ADCY8: variants seen among roughly 807,000 people sequenced by gnomAD.
The protein encoded by ADCY8 is adenylate cyclase type 8.
Under a neutral mutation model 119.7 loss-of-function variants are expected in ADCY8, and 51 were observed. That is an observed-to-expected ratio of 0.43 (90% CI 0.34 to 0.54). ADCY8 has a LOEUF of 0.54. Ranked by LOEUF, ADCY8 falls within the 20% of genes least tolerant of loss-of-function variation. ADCY8 has a pLI of 0.03. For missense variants in ADCY8, 1,383 were observed against 1,598.8 expected, an observed-to-expected ratio of 0.87 and a Z score of 2.30; for synonymous variants, 665 against 651.0, an observed-to-expected ratio of 1.02 and a Z score of -0.33.
chr8:130,794,152 G>A (rs1330459926), intron 15 of ADCY8, among the ~76,000 whole-genome samples: 1 of 152,170 alleles, frequency 6.6e-6, no homozygotes, highest in East Asian at 1.9e-4. Flanking sequence ...GTTTTCCCTA[G>A]AGCCTTCAGA....
At chr8:130,795,658 C>T (rs150694754) in intron 15 of ADCY8, among the ~76,000 whole-genome samples, 1 of 152,306 alleles carries the variant, frequency 6.6e-6, no homozygotes, top group East Asian at 1.9e-4. Flanking sequence ...GATGGGTTCT[C>T]TACAGACTCT....
chr8:130,948,873 T>A (rs1821187192), intron 3 of ADCY8, among the ~76,000 whole-genome samples: 2 of 152,084 alleles, frequency 1.3e-5, no homozygotes, highest in South Asian at 2.1e-4. Flanking sequence ...TTTAGCACCC[T>A]GCAGCCTCGC....
Position 130,836,401 on chromosome 8 carries a change from G to A in ADCY8, c.2551C>T (p.Leu851Phe). Reference protein sequence around the residue: ...VLAMVTCAVFLRLNSVLKLAV... With the variant: ...VLAMVTCAVFFRLNSVLKLAV... ...AGCTTCAGGACGGAGTTCAGCCGGA[G>A]GAAAACTGCACAGGTCACCATGGCC... Residue 851 changes from leucine to phenylalanine, a missense_variant, in exon 12 of 18, where the codon CTC (leucine) becomes TTC (phenylalanine). Around this residue, in one of 2 missense-constraint regions of ADCY8, gnomAD observed 928 missense variants for 1,163.5 expected, o/e 0.80. Coordinates refer to ENST00000286355, the MANE Select transcript of ADCY8 (RefSeq NM_001115.3). 6.2e-7 allele frequency: 1 copy of A among 1,613,914 alleles called. No homozygotes were observed. The highest frequency in any genetic ancestry group is 8.5e-7 in the Non-Finnish European group (1 of 1,179,910).
chr8:130,784,125 ATG>A (rs941706052), intron 16 of ADCY8, among the ~76,000 whole-genome samples: 13 of 151,588 alleles, frequency 8.6e-5, no homozygotes, highest in Admixed American at 3.3e-4. Context: ...GTATGTGTGT[ATG>A]TGTGTGTGTG....
intron 1 of ADCY8, among the ~76,000 whole-genome samples, chr8:131,020,056 G>T (rs1430485598): frequency 6.6e-6 from 1 of 151,942 alleles, no homozygotes; most frequent in Non-Finnish European, 1.5e-5. Context: ...AGATGGCATA[G>T]GTCTTTCAAA....
At position 130,891,352 on chromosome 8, in the gene ADCY8, T is replaced by C. The variant is rs1045965868; in HGVS notation, c.1912-6591A>G. Among the ~76,000 whole-genome samples the C allele has an allele frequency of 1.3e-5, 2 of 152,302 alleles. 1 individual carries two copies. ...TTACAGCGATTCTTTCTCTACTGTT[T>C]GTTAAAATGCCAACCCAACCCCTGG... On this transcript the variant is annotated intron_variant, in intron 7 of 17. Transcript: ENST00000286355.
At chr8:130,829,019 C>G (rs1012462076) in intron 12 of ADCY8, among the ~76,000 whole-genome samples, 1 of 152,160 alleles carries the variant, frequency 6.6e-6, no homozygotes, top group Non-Finnish European at 1.5e-5. Context: ...AGGCAGGTCA[C>G]AAAAGTCTAG....
intron 3 of ADCY8, among the ~76,000 whole-genome samples, chr8:130,945,046 G>A (rs1317125655): frequency 6.6e-6 from 1 of 152,180 alleles, no homozygotes; most frequent in African/African-American, 2.4e-5. Flanking sequence ...GATGAGCGAA[G>A]TGATTGGGAG....
At chr8:131,025,579 T>C (rs1230341307) in intron 1 of ADCY8, among the ~76,000 whole-genome samples, 1 of 152,222 alleles carries the variant, frequency 6.6e-6, no homozygotes, top group East Asian at 1.9e-4. Flanking sequence ...GAGCACGTTG[T>C]TTAACAGTAG....
intron 15 of ADCY8, among the ~76,000 whole-genome samples, 178 bp from the exon 16 acceptor site, chr8:130,785,653 C>T (rs982598242): frequency 1.3e-5 from 2 of 152,216 alleles, no homozygotes; most frequent in Admixed American, 6.5e-5. Context: ...TTAATGAGCA[C>T]TTGCTAAGGG....
chr8:130,791,772 G>A (rs989367571), intron 15 of ADCY8, among the ~76,000 whole-genome samples: 1 of 152,172 alleles, frequency 6.6e-6, no homozygotes, highest in African/African-American at 2.4e-5. Flanking sequence ...CCTAGTGAGG[G>A]CCGAGCCCCA....
At chr8:131,026,673 A>G (rs988250364) in intron 1 of ADCY8, among the ~76,000 whole-genome samples, 4 of 152,196 alleles carry the variant, frequency 2.6e-5, no homozygotes, top group Non-Finnish European at 4.4e-5. Flanking sequence ...TCCTATTCAC[A>G]TTAAAGTTGG....
At chr8:130,888,900 C>A (rs1819085132) in intron 7 of ADCY8, among the ~76,000 whole-genome samples, 1 of 152,080 alleles carries the variant, frequency 6.6e-6, no homozygotes, top group African/African-American at 2.4e-5. Flanking sequence ...CAGTTTGTCA[C>A]AGCAAATAAT....
chr8:130,964,929 G>C (rs1051566589), intron 2 of ADCY8, among the ~76,000 whole-genome samples: 16 of 152,146 alleles, frequency 1.1e-4, no homozygotes, highest in African/African-American at 3.9e-4. Context: ...GATTAGTGAT[G>C]CTGAGCATTT....
chr8:130,954,043 A>G (rs778532905), intron 2 of ADCY8, among the ~76,000 whole-genome samples: 1 of 152,164 alleles, frequency 6.6e-6, no homozygotes, highest in Non-Finnish European at 1.5e-5. Context: ...TGCTCTGTCA[A>G]TGGCTGGGGA....
intron 11 of ADCY8, among the ~76,000 whole-genome samples, chr8:130,845,405 G>A (rs7015909): frequency 0.041 from 6,284 of 152,232 alleles, 438 homozygotes; most frequent in African/African-American, 0.14. Context: ...TGTAAAGAAG[G>A]TATTAATTTT....
At chr8:130,787,640 A>G (rs186887748) in intron 15 of ADCY8, among the ~76,000 whole-genome samples, 4 of 152,324 alleles carry the variant, frequency 2.6e-5, no homozygotes, top group Admixed American at 2.6e-4. Context: ...ACATGTGTAC[A>G]GTACATGTGT....
intron 13 of ADCY8, among the ~76,000 whole-genome samples, chr8:130,815,299 G>T (rs1423325406): frequency 6.6e-6 from 1 of 152,182 alleles, no homozygotes; most frequent in African/African-American, 2.4e-5. Context: ...ATGGCATATT[G>T]TTATGTACGA....
chr8:130,853,174 T>C (rs1195150480), intron 9 of ADCY8, among the ~76,000 whole-genome samples: 2 of 152,226 alleles, frequency 1.3e-5, no homozygotes, highest in Non-Finnish European at 2.9e-5. Context: ...CAGACACTTA[T>C]ATTCTCCTCC....
Sources: gnomAD v4.1 joint callset for allele counts (sites outside exome capture counted in the v4.1 genomes callset) on GRCh38, gnomAD v4.1.1 for gene constraint, gnomAD v4.1.1 regional missense constraint, MANE v1.5 for transcripts, NCBI Gene and HGNC (gene_info 2026-07-23, HGNC 2026-07-21) for gene names.